AJUBA: variants seen among roughly 807,000 people sequenced by gnomAD.
The protein encoded by AJUBA is LIM domain-containing protein ajuba.
A neutral mutation model predicts 53.3 loss-of-function variants in AJUBA; 20 were observed. The observed-to-expected ratio is 0.38, with a 90% CI of 0.26 to 0.55. The LOEUF (loss-of-function observed/expected upper bound fraction) is 0.55, where lower values mean the gene tolerates loss of function less well. Ranked by LOEUF, AJUBA falls within the 20% of genes least tolerant of loss-of-function variation. The pLI, the probability that AJUBA is intolerant of heterozygous loss-of-function variation, is 0.80. For synonymous variants in AJUBA, 296 were observed against 306.2 expected (o/e 0.97, Z 0.35); for missense variants, 580 against 730.5 (o/e 0.79, Z 2.38).
chr14:22,980,170 T>C (rs1456511995), intron 1 of AJUBA, among the ~76,000 whole-genome samples: 1 of 152,188 alleles, frequency 6.6e-6, no homozygotes, highest in African/African-American at 2.4e-5. Flanking sequence ...TAAGAAGAGA[T>C]GCTTAGAAAA....
At position 22,981,380 on chromosome 14, in the gene AJUBA, C is replaced by T; in HGVS notation, c.887G>A (p.Gly296Glu). The T allele has an allele frequency of 6.2e-7, 1 of 1,613,096 alleles. No homozygotes were observed. Among genetic ancestry groups the T allele is most frequent in the Non-Finnish European group, 8.5e-7 (1 of 1,179,926 alleles). ...LTVGTGGREAGARGEPSGIEP... is the reference protein window; with the variant it reads ...LTVGTGGREAEARGEPSGIEP... ...AATCCCCGAGGGTTCTCCGCGGGCT[C>T]CGGCTTCTCGCCCACCGGTGCCCAC... Residue 296 changes from glycine (G) to glutamate (E), a missense_variant, in exon 1 of 8, where the codon GGA becomes GAA. By Grantham distance (98) the Gly-to-Glu change is moderately conservative. Coordinates refer to ENST00000262713, the MANE Select transcript of AJUBA (RefSeq NM_032876.6).
Position 22,973,122 on chromosome 14 carries a change from A to T in AJUBA, c.*321T>A. 1 of 297,750 alleles carries T rather than the reference A, an allele frequency of 3.4e-6. No individual in the cohort carries two copies. The highest frequency in any genetic ancestry group is 6.4e-6 in the Non-Finnish European group (1 of 155,538). The allele number at this position is 297,750 out of a possible 1,614,324, so 18.4% of individuals were successfully genotyped here. ...AGCCTGGGCAACATGGTGAGATCCC[A>T]TCTCTAAAACAAACAAAATATATAT... On this transcript the variant is annotated 3_prime_UTR_variant, in exon 8 of 8. Coordinates refer to ENST00000262713, the MANE Select transcript of AJUBA (RefSeq NM_032876.6).
chr14:22,973,953 C>T, intron 7 of AJUBA, 94 bp downstream of exon 7: 1 of 1,430,060 alleles, frequency 7.0e-7, no homozygotes, highest in Non-Finnish European at 9.9e-7. Context: ...ATGCCCTACA[C>T]CTCTCCCATA....
intron 2 of AJUBA, chr14:22,976,949 C>T: frequency 7.2e-7 from 1 of 1,387,782 alleles, no homozygotes; most frequent in Non-Finnish European, 9.3e-7. Context: ...GCTCCTGCCT[C>T]CTTAACAGTT....
At chr14:22,974,169 C>T (rs1594562348) in intron 6 of AJUBA, 54 bp from the exon 7 acceptor site, 3 of 1,589,632 alleles carry the variant, frequency 1.9e-6, no homozygotes, top group Admixed American at 3.3e-5. Context: ...CTCACCTCCA[C>T]CTTTCCCTCA....
At position 22,971,180 on chromosome 14, in the gene AJUBA, G is replaced by A. The variant is rs967292946; in HGVS notation, c.*2263C>T. 6.6e-6 allele frequency: 1 copy of A among 151,602 alleles called. No individual in the cohort carries two copies. The highest frequency in any genetic ancestry group is 1.5e-5 in the Non-Finnish European group (1 of 67,974). 9.4% of individuals were successfully genotyped at this position (151,602 alleles called of 1,614,324 possible). On this transcript the variant is annotated 3_prime_UTR_variant, in exon 8 of 8. Coordinates refer to ENST00000262713, the MANE Select transcript of AJUBA (RefSeq NM_032876.6). ...GATGTAAAGTTACACAAGCTTGTCT[G>A]GATTTCCCATCATAGGGCCTTTGTA...
At chr14:22,976,362 T>A in intron 4 of AJUBA, 94 bp downstream of exon 4, 1 of 1,303,650 alleles carries the variant, frequency 7.7e-7, no homozygotes, top group Non-Finnish European at 1.1e-6. Context: ...GGTGACAGGC[T>A]TCTTTCCCCA....
rs1281859358 is a variant in AJUBA at position 22,979,209 on chromosome 14, C to G, written c.1007-764G>C. 20 of 936,574 alleles carry G rather than the reference C, an allele frequency of 2.1e-5. No individual in the cohort carries two copies. Among genetic ancestry groups the G allele is most frequent in the Middle Eastern group, 5.5e-4 (1 of 1,828 alleles). The allele number at this position is 936,574 out of a possible 1,614,324, so 58.0% of individuals were successfully genotyped here. A position where few individuals can be genotyped will look rare whatever the true frequency, so the allele number is the denominator to read the frequency against. On this transcript the variant is annotated intron_variant, in intron 1 of 7. Coordinates refer to ENST00000262713, the MANE Select transcript of AJUBA (RefSeq NM_032876.6). The surrounding 1 kb of genome is among the most constrained non-coding windows in gnomAD (Gnocchi z 4.0). ...AAAATCCCCCACTAAGATATATACA[C>G]CTGGCTCTGGGACTTGCCTTTCCTG... is the stretch of plus-strand genomic sequence containing the variant.
rs1460476956 is a variant in AJUBA at position 22,982,070 on chromosome 14, T to C, written c.197A>G (p.Glu66Gly). 5 of 1,592,434 alleles carry C rather than the reference T, an allele frequency of 3.1e-6. No individual in the cohort carries two copies. In the Middle Eastern group the frequency reaches 6.7e-4, roughly 215 times the overall value. Residue 66 changes from glutamate (E) to glycine (G), a missense_variant, in exon 1 of 8, where the codon GAG (glutamate) becomes GGG (glycine). This residue lies in a region of AJUBA where 430 missense variants were observed against 471.5 expected (regional missense o/e 0.91). Transcript: ENST00000262713. ...TCGCTCAGCGTCCAGGGAACCTTGC[T>C]CCCGGGCCGGCTCCAACGGCTCATC... Reference protein sequence around the residue: ...PGDEPLEPAREQGSLDAERNQ... With the variant: ...PGDEPLEPARGQGSLDAERNQ...
chr14:22,974,660 T>C, intron 6 of AJUBA, 179 bp downstream of exon 6: 1 of 663,282 alleles, frequency 1.5e-6, no homozygotes, highest in Non-Finnish European at 2.5e-6. Flanking sequence ...TTCAGACATG[T>C]CCAGGCCCGG....
At position 22,974,824 on chromosome 14, in the gene AJUBA, C is replaced by T; in HGVS notation, c.1422+15G>A. 1 of 1,609,256 alleles carries T rather than the reference C, an allele frequency of 6.2e-7. No homozygotes were observed. Among genetic ancestry groups the T allele is most frequent in the African/African-American group, 1.3e-5 (1 of 74,974 alleles). ...TGGCACTGGCTGCCCTGAAGGAGAA[C>T]CCAGACATACTGACCTCAGAGGGGA... On this transcript the variant is annotated intron_variant, in intron 6 of 7. Transcript: ENST00000262713.
intron 2 of AJUBA, 170 bp from the exon 3 acceptor site, chr14:22,976,882 ATTTGC>A: frequency 7.1e-7 from 1 of 1,417,878 alleles, no homozygotes; most frequent in Non-Finnish European, 9.2e-7. Flanking sequence ...TGCAATTCCA[ATTTGC>A]TTTGGCTTCA....
chr14:22,981,664 C>A lies in AJUBA; in HGVS notation c.603G>T (p.Pro201=). 2.0e-6 allele frequency: 3 copies of A among 1,512,460 alleles called. No individual in the cohort carries two copies. The highest frequency in any genetic ancestry group is 4.1e-5 in the Admixed American group (2 of 48,252). 93.7% of individuals were successfully genotyped at this position (1,512,460 alleles called of 1,614,324 possible). Residue 201 remains proline, a synonymous_variant, in exon 1 of 8, where the codon CCG becomes CCT. Coordinates refer to ENST00000262713, the MANE Select transcript of AJUBA (RefSeq NM_032876.6). Reference sequence around the variant, plus strand: ...CGGCGTGGAGCTCCGGGTAGGCGGACGGGACCCCTCCGGGAGAATAGCCTG... The same window carrying A: ...CGGCGTGGAGCTCCGGGTAGGCGGAAGGGACCCCTCCGGGAGAATAGCCTG... ...APAGYSPGGV[P]SAYPELHAAL...
intron 2 of AJUBA, 42 bp from the exon 3 acceptor site, chr14:22,976,754 C>T (rs367620944): frequency 5.9e-5 from 95 of 1,606,090 alleles, no homozygotes; most frequent in Non-Finnish European, 7.5e-5. Context: ...TCCCACAGCC[C>T]AGGTGCAAGA....
At chr14:22,976,763 G>T in intron 2 of AJUBA, 51 bp from the exon 3 acceptor site, 1 of 1,592,520 alleles carries the variant, frequency 6.3e-7, no homozygotes, top group South Asian at 1.1e-5. Flanking sequence ...CCAGGTGCAA[G>T]ACTTCTGGGG....
intron 1 of AJUBA, 195 bp from the exon 2 acceptor site, chr14:22,978,640 T>C (rs2045060004): frequency 2.2e-6 from 3 of 1,366,994 alleles, no homozygotes; most frequent in Non-Finnish European, 2.8e-6. Context: ...TTTATTTAAT[T>C]ACTCAACAGA....
At chr14:22,974,802 C>T in intron 6 of AJUBA, 37 bp downstream of exon 6, 1 of 1,595,930 alleles carries the variant, frequency 6.3e-7, no homozygotes, top group Non-Finnish European at 8.5e-7. Context: ...AAGGCAGTGG[C>T]ACTGGCTGCC....
chr14:22,981,622 G>A lies in AJUBA; in HGVS notation c.645C>T (p.Tyr215=), dbSNP rs1474123059. The A allele has an allele frequency of 6.5e-7, 1 of 1,528,534 alleles. No homozygotes were observed. The highest frequency in any genetic ancestry group is 8.8e-7 in the Non-Finnish European group (1 of 1,140,620). 94.7% of individuals were successfully genotyped at this position (1,528,534 alleles called of 1,614,324 possible). The stretch of plus-strand genomic sequence containing the variant: ...AGCCGAACCCCGCGGGCCGCTGAGC[G>A]TACAATCGGTCCAGGGCGGCGTGGA... ...PELHAALDRL[Y]AQRPAGFGCQ... is the part of the protein sequence containing the mutation. Residue 215 remains tyrosine (Y), a synonymous_variant, in exon 1 of 8, where the codon TAC becomes TAT. Transcript: ENST00000262713.
intron 1 of AJUBA, among the ~76,000 whole-genome samples, chr14:22,980,999 C>T (rs2045084929): frequency 6.6e-6 from 1 of 152,080 alleles, no homozygotes; most frequent in African/African-American, 2.4e-5. Context: ...CGCAAAAAAC[C>T]GAGGTTCAAA....
Sources: allele counts gnomAD v4.1 joint callset (sites outside exome capture counted in the v4.1 genomes callset), GRCh38; gene constraint gnomAD v4.1.1; regional missense constraint gnomAD v4.1.1; non-coding constraint Gnocchi (gnomAD v3.1); transcripts MANE v1.5; gene names NCBI Gene and HGNC (gene_info 2026-07-23, HGNC 2026-07-21).